The following GRM8 variants were observed in gnomAD, a reference collection of about 807,000 sequenced individuals.
GRM8 encodes glutamate metabotropic receptor 8, also known as metabotropic glutamate receptor 8.
Under a neutral mutation model 87.2 loss-of-function variants are expected in GRM8, and 47 were observed. The observed-to-expected ratio is 0.54, with a 90% confidence interval of 0.43 to 0.69. The LOEUF is 0.69. GRM8 is among the 30% of genes least tolerant of loss of function. The pLI is 0.00. For synonymous variants in GRM8, 396 were observed against 404.5 expected, an observed-to-expected ratio of 0.98 and a Z score of 0.25; for missense variants, 1,019 against 1,139.2, an observed-to-expected ratio of 0.89 and a Z score of 1.52.
intron 3 of GRM8, among the ~76,000 whole-genome samples, chr7:126,925,656 G>A (rs936820248): frequency 6.6e-6 from 1 of 151,990 alleles, no homozygotes; most frequent in African/African-American, 2.4e-5. Flanking sequence ...TTTGTGTTTG[G>A]TTTCCCACTG....
intron 6 of GRM8, among the ~76,000 whole-genome samples, chr7:126,799,221 G>C (rs1048125013): frequency 2.6e-5 from 4 of 152,050 alleles, no homozygotes; most frequent in African/African-American, 4.8e-5. Context: ...TCTGCATTTT[G>C]ACAAGATCCC....
At chr7:126,843,157 A>G (rs1460179118) in intron 6 of GRM8, among the ~76,000 whole-genome samples, 1 of 152,226 alleles carries the variant, frequency 6.6e-6, no homozygotes, top group Non-Finnish European at 1.5e-5. Flanking sequence ...GGTCATGACA[A>G]ATATGCTCTA....
At chr7:126,543,961 C>A (rs1308511533) in intron 8 of GRM8, among the ~76,000 whole-genome samples, 2 of 152,142 alleles carry the variant, frequency 1.3e-5, no homozygotes, top group Non-Finnish European at 2.9e-5. Context: ...TATTTCATAA[C>A]CATAGGATTT....
At chr7:126,517,766 T>C (rs989564188) in intron 9 of GRM8, among the ~76,000 whole-genome samples, 2 of 152,092 alleles carry the variant, frequency 1.3e-5, no homozygotes, top group Non-Finnish European at 2.9e-5. Context: ...ATTAAGATTC[T>C]GGAGAAAAGC....
At chr7:126,589,791 T>A (rs1796505855) in intron 8 of GRM8, among the ~76,000 whole-genome samples, 1 of 152,080 alleles carries the variant, frequency 6.6e-6, no homozygotes, top group South Asian at 2.1e-4. Context: ...AGAAAGATGG[T>A]TCACATCACA....
intron 3 of GRM8, among the ~76,000 whole-genome samples, chr7:126,988,799 C>T (rs1812362366): frequency 1.3e-5 from 2 of 152,114 alleles, no homozygotes; most frequent in African/African-American, 2.4e-5. Context: ...GTTCATTTTG[C>T]ATTTCTGTCC....
chr7:127,048,522 T>A (rs755456680), intron 3 of GRM8, among the ~76,000 whole-genome samples: 1 of 152,224 alleles, frequency 6.6e-6, no homozygotes, highest in Non-Finnish European at 1.5e-5. Flanking sequence ...TGCAAAGCCA[T>A]TCAAGAGGCC....
At chr7:126,843,767 T>TTCTGC (rs1436670955) in intron 6 of GRM8, among the ~76,000 whole-genome samples, 3 of 152,228 alleles carry the variant, frequency 2.0e-5, no homozygotes, top group Non-Finnish European at 4.4e-5. Context: ...GCTGTTTTCC[T>TTCTGC]TCTGCTCAGC....
At chr7:126,704,509 A>T (rs2151407267) in intron 7 of GRM8, among the ~76,000 whole-genome samples, 1 of 152,196 alleles carries the variant, frequency 6.6e-6, no homozygotes, top group East Asian at 1.9e-4. Flanking sequence ...ATAACCTTAA[A>T]CTCTGACCAC....
At chr7:126,657,348 C>A (rs759576614) in intron 7 of GRM8, among the ~76,000 whole-genome samples, 1 of 151,966 alleles carries the variant, frequency 6.6e-6, no homozygotes, top group African/African-American at 2.4e-5. Context: ...TGGTGAAAAC[C>A]GCAAATACTC....
At chr7:127,000,919 T>C (rs1369987369) in intron 3 of GRM8, among the ~76,000 whole-genome samples, 1 of 151,714 alleles carries the variant, frequency 6.6e-6, no homozygotes, top group African/African-American at 2.4e-5. Flanking sequence ...GACTTTTTTA[T>C]GAAATCTACA....
chr7:126,986,177 C>A (rs187508986), intron 3 of GRM8, among the ~76,000 whole-genome samples: 176 of 152,148 alleles, frequency 1.2e-3, no homozygotes, highest in Middle Eastern at 6.8e-3. Context: ...CCACCCCTGA[C>A]TAATTTTTTT....
At chr7:127,151,275 G>A (rs892855425) in intron 2 of GRM8, among the ~76,000 whole-genome samples, 1 of 151,986 alleles carries the variant, frequency 6.6e-6, no homozygotes, top group African/African-American at 2.4e-5. Context: ...AAAATCACAT[G>A]ACACACTTCA....
intron 7 of GRM8, among the ~76,000 whole-genome samples, chr7:126,646,262 A>G (rs796684917): frequency 7.2e-6 from 1 of 137,944 alleles, no homozygotes; most frequent in East Asian, 2.2e-4. Context: ...AAGGAGGGAA[A>G]GAAGGAAGGA....
At chr7:126,927,077 G>A (rs540739071) in intron 3 of GRM8, among the ~76,000 whole-genome samples, 4 of 152,226 alleles carry the variant, frequency 2.6e-5, no homozygotes, top group East Asian at 3.9e-4. Flanking sequence ...TCTGTTCAAC[G>A]TCTTCCAGTG....
chr7:126,839,519 T>C (rs776583156), intron 6 of GRM8, among the ~76,000 whole-genome samples: 27 of 152,122 alleles, frequency 1.8e-4, no homozygotes, highest in Non-Finnish European at 3.4e-4. Context: ...ATGTAAAACA[T>C]TGAATACATT....
At chr7:126,828,272 G>A (rs1325211194) in intron 6 of GRM8, among the ~76,000 whole-genome samples, 30 of 150,802 alleles carry the variant, frequency 2.0e-4, no homozygotes, top group South Asian at 6.4e-4. Flanking sequence ...GATTAGAATA[G>A]TTTCAGAAAG....
At chr7:126,945,258 T>A (rs957596572) in intron 3 of GRM8, among the ~76,000 whole-genome samples, 10 of 152,220 alleles carry the variant, frequency 6.6e-5, no homozygotes, top group African/African-American at 2.4e-4. Context: ...TATTCCAATT[T>A]ATAGCATTTT....
chr7:126,575,775 G>C (rs11972451), intron 8 of GRM8, among the ~76,000 whole-genome samples: 7 of 152,100 alleles, frequency 4.6e-5, no homozygotes, highest in Admixed American at 1.3e-4. Context: ...AAAAAAAATT[G>C]TATTTCCTAA....
Sources: gnomAD v4.1 joint callset for allele counts (sites outside exome capture counted in the v4.1 genomes callset) on GRCh38, gnomAD v4.1.1 for gene constraint, MANE v1.5 for transcripts, NCBI Gene and HGNC (gene_info 2026-07-23, HGNC 2026-07-21) for gene names.